MUC4: variants seen among roughly 807,000 people sequenced by gnomAD.
MUC4 encodes the protein mucin 4, cell surface associated.
In MUC4, 202 loss-of-function variants were observed where a neutral mutation model predicts 257.9. That is an observed-to-expected ratio of 0.78 (90% CI 0.70 to 0.88). The LOEUF (loss-of-function observed/expected upper bound fraction) is 0.88. Ranked by LOEUF, MUC4 falls within the 40% of genes least tolerant of loss-of-function variation. The probability of loss-of-function intolerance (pLI) is 0.00; values close to 1 mark genes in which losing one functional copy is unlikely to be tolerated. For synonymous variants in MUC4, 2,351 were observed against 2,757.1 expected, an observed-to-expected ratio of 0.85 and a Z score of 4.62; for missense variants, 5,976 against 6,513.7, an observed-to-expected ratio of 0.92 and a Z score of 2.84.
In MUC4 at chr3:195,791,239, G is replaced by GGTGT. The variant is rs749351035; in HGVS notation, c.340_341insACAC (p.Ala114AspfsTer6). On this transcript the variant is annotated frameshift_variant, in exon 2 of 25. Coordinates refer to ENST00000463781, the MANE Select transcript of MUC4 (RefSeq NM_018406.7). LOFTEE classifies it high-confidence loss of function. Reference sequence around the variant, plus strand: ...TGATGTGGTCATTTCATCTGGAGGAGCTGTCTCCATCACATTGTGTACACT... The same window carrying GGTGT: ...TGATGTGGTCATTTCATCTGGAGGAGGTGTCTGTCTCCATCACATTGTGTACACT... 2 of 380,388 alleles carry GGTGT rather than the reference G, an allele frequency of 5.3e-6. No individual in the cohort carries two copies. The highest frequency in any genetic ancestry group is 4.2e-6 in the Non-Finnish European group (1 of 236,408). 23.6% of individuals were successfully genotyped at this position (380,388 alleles called of 1,614,324 possible).
chr3:195,792,118 A>G (rs1020401632), intron 1 of MUC4, among the ~76,000 whole-genome samples: 17 of 152,218 alleles, frequency 1.1e-4, no homozygotes, highest in African/African-American at 1.4e-4. Flanking sequence ...ACTTGCAACA[A>G]AAGCTAAAAT....
At position 195,807,097 on chromosome 3, in the gene MUC4, G is replaced by T. The variant is rs543601075; in HGVS notation, c.82+4639C>A. ...CTCCAAGCAGGGCCGCCATTGCAAG[G>T]CCTCACGTGCAACACAAATGCCCAG... On this transcript the variant is annotated intron_variant, in intron 1 of 24. Coordinates refer to ENST00000463781, the MANE Select transcript of MUC4 (RefSeq NM_018406.7). Among the ~76,000 whole-genome samples the T allele has an allele frequency of 2.0e-5, 3 of 152,304 alleles. No homozygotes were observed. In the South Asian group the frequency reaches 6.2e-4, roughly 32 times the overall value.
chr3:195,754,430 G>A (rs1357648709), intron 18 of MUC4, 58 bp from the exon 19 acceptor site: 4 of 1,553,684 alleles, frequency 2.6e-6, no homozygotes, highest in Non-Finnish European at 3.5e-6. Flanking sequence ...AGGGCTTCTG[G>A]GTGTTTCTGA....
chr3:195,797,208 G>T (rs569420732), intron 1 of MUC4, among the ~76,000 whole-genome samples: 1 of 152,138 alleles, frequency 6.6e-6, no homozygotes, highest in African/African-American at 2.4e-5. Flanking sequence ...GGCAGAGATT[G>T]CAGTGAGCCG....
rs1428654884 is a variant in MUC4 at position 195,789,772 on chromosome 3, T to C, written c.1808A>G (p.Asp603Gly). ...ATSPSSSPML[D>G]RHTSQQITTA... ...TGTAATTTGTTGGGATGTGTGTCTA[T>C]CCAGCATAGGTGAAGAAGATGGGGA... Residue 603 changes from aspartate to glycine, a missense_variant, in exon 2 of 25, where the codon GAT becomes GGT. Physicochemically the swap from Asp to Gly is moderately conservative, Grantham distance 94. Around this residue, in one of 44 missense-constraint regions of MUC4, gnomAD observed 1,583 missense variants for 1,257.4 expected, o/e 1.26. Transcript: ENST00000463781. 6.2e-7 allele frequency: 1 copy of C among 1,614,000 alleles called. No homozygotes were observed. Among genetic ancestry groups the C allele is most frequent in the Non-Finnish European group, 8.5e-7 (1 of 1,179,860 alleles).
rs1203475693 is a variant in MUC4 at position 195,784,989 on chromosome 3, G to C, written c.6591C>G (p.Asp2197Glu). Residue 2197 changes from aspartate (D) to glutamate (E), a missense_variant, in exon 2 of 25, where the codon GAC (aspartate) becomes GAG (glutamate). By Grantham distance (45) the Asp-to-Glu change is conservative. Around this residue, in one of 44 missense-constraint regions of MUC4, gnomAD observed 85 missense variants for 325.0 expected, o/e 0.26. Transcript: ENST00000463781. ...CCTGACCTGTGGATGCTGAGGAAGTGTCGGTGACAGGAAGAGGGGTGGCGT... is the reference window on the plus strand; with the variant it reads ...CCTGACCTGTGGATGCTGAGGAAGTCTCGGTGACAGGAAGAGGGGTGGCGT... ...TGHATPLPVT[D>E]TSSASTGQAT... 1 of 1,487,514 alleles carries C rather than the reference G, an allele frequency of 6.7e-7. No individual in the cohort carries two copies. The highest frequency in any genetic ancestry group is 1.5e-5 in the African/African-American group (1 of 67,240). 92.1% of individuals were successfully genotyped at this position (1,487,514 alleles called of 1,614,324 possible).
At position 195,780,347 on chromosome 3, in the gene MUC4, G is replaced by A; in HGVS notation, c.11233C>T (p.Leu3745Phe). ...GCTGAGGAAGTGCTGGTGACAGGAA[G>A]AGGGGTGACGTGACCTGTGGATGCT... Reference protein sequence around the residue: ...SSASTGHVTPLPVTSTSSAST... With the variant: ...SSASTGHVTPFPVTSTSSAST... The change falls in exon 2 of 25, where the codon CTT becomes TTT. Residue 3745 changes from leucine (L) to phenylalanine (F), a missense_variant. Leu to Phe is a conservative substitution (Grantham distance 22). Transcript: ENST00000463781. The A allele has an allele frequency of 7.1e-7, 1 of 1,415,128 alleles. No individual in the cohort carries two copies. Among genetic ancestry groups the A allele is most frequent in the East Asian group, 2.6e-5 (1 of 38,940 alleles). The allele number at this position is 1,415,128 out of a possible 1,614,324, so 87.7% of individuals were successfully genotyped here.
At position 195,771,693 on chromosome 3, in the gene MUC4, C is replaced by T. The variant is rs760372789; in HGVS notation, c.13201G>A (p.Asp4401Asn). Residue 4401 changes from aspartate (D) to asparagine (N), a missense_variant, in exon 5 of 25, where the codon GAT (aspartate) becomes AAT (asparagine). Asp to Asn is a conservative substitution (Grantham distance 23). Transcript: ENST00000463781. ...CCCCGACCAGTGGAGAAGTCAGCATCGTCCCAGAACGGAGCCACCAGGGCC... is the reference window on the plus strand; with the variant it reads ...CCCCGACCAGTGGAGAAGTCAGCATTGTCCCAGAACGGAGCCACCAGGGCC... ...PVALVAPFWD[D>N]ADFSTGRGTT... 4.3e-6 allele frequency: 7 copies of T among 1,613,920 alleles called. No individual in the cohort carries two copies. In the Admixed American group the frequency reaches 5.0e-5, roughly 12 times the overall value.
chr3:195,758,922 C>T (rs563896209), intron 17 of MUC4, among the ~76,000 whole-genome samples: 73 of 152,064 alleles, frequency 4.8e-4, no homozygotes, highest in African/African-American at 1.7e-3. Flanking sequence ...GCCAAACCGC[C>T]GTAAGCCCGT....
chr3:195,750,608 C>T, intron 23 of MUC4: 1 of 543,062 alleles, frequency 1.8e-6, no homozygotes, highest in Non-Finnish European at 3.3e-6. Flanking sequence ...AAACTATTAG[C>T]AATTTTATGA....
rs1483833272 is a variant in MUC4 at position 195,751,227 on chromosome 3, G to A, written c.15627C>T (p.Arg5209=). ...CTTACATTCGTTCCACTTGGCTGTT[G>A]CGGAGAAAGGCCCGCATGTCCAGGG... ...LGTLDMRAFL[R]NSQVERIDSA... Residue 5209 remains arginine, a synonymous_variant, in exon 22 of 25, where the codon CGC becomes CGT. Transcript: ENST00000463781. 6 of 1,607,486 alleles carry A rather than the reference G, an allele frequency of 3.7e-6. No homozygotes were observed. The South Asian group carries it at 6.7e-5, about 18-fold the overall frequency.
intron 21 of MUC4, 99 bp from the exon 22 acceptor site, chr3:195,751,370 G>A (rs1716405429): frequency 1.1e-6 from 1 of 949,320 alleles, no homozygotes; most frequent in Non-Finnish European, 1.7e-6. Context: ...GTTTCCTCCT[G>A]GAACGGGAGC....
rs199822551 is a variant in MUC4, at chr3:195,780,191, C to A, written c.11389G>T (p.Asp3797Tyr). 7.2e-6 allele frequency: 9 copies of A among 1,244,630 alleles called. No individual in the cohort carries two copies. The highest frequency in any genetic ancestry group is 3.9e-5 in the East Asian group (1 of 25,700). 77.1% of individuals were successfully genotyped at this position (1,244,630 alleles called of 1,614,324 possible). A position where few individuals can be genotyped will look rare whatever the true frequency, so the allele number is the denominator to read the frequency against. ...TGDTTPLPVT[D>Y]TSSASTGQAT... is the part of the protein sequence containing the mutation. ...TGACCTGTGGATGCTGAGGAAGTGT[C>A]GGTGACAGGAAGAGGGGTGGTGTCA... is the stretch of plus-strand genomic sequence containing the variant. Residue 3797 changes from aspartate (D) to tyrosine (Y), a missense_variant, in exon 2 of 25, where the codon GAC becomes TAC. Around this residue, in one of 44 missense-constraint regions of MUC4, gnomAD observed 330 missense variants for 262.0 expected, o/e 1.26. Transcript: ENST00000463781.
chr3:195,761,317 G>A (rs979051631), intron 15 of MUC4, among the ~76,000 whole-genome samples, 167 bp downstream of exon 15: 5 of 152,186 alleles, frequency 3.3e-5, no homozygotes, highest in Non-Finnish European at 7.4e-5. Context: ...CCTCCAGGTA[G>A]AGAGAGGCAG....
At chr3:195,758,711 C>T (rs1458187055) in intron 17 of MUC4, among the ~76,000 whole-genome samples, 1 of 148,540 alleles carries the variant, frequency 6.7e-6, no homozygotes, top group East Asian at 2.0e-4. Context: ...TACAGGCATG[C>T]ACCACCATGC....
intron 3 of MUC4, among the ~76,000 whole-genome samples, chr3:195,775,275 C>T (rs1314645331): frequency 2.0e-5 from 3 of 151,968 alleles, no homozygotes; most frequent in South Asian, 4.2e-4. Flanking sequence ...GCATGCCGGC[C>T]GCACTTTTTG....
At chr3:195,748,599 A>T (rs1470713690) in intron 24 of MUC4, among the ~76,000 whole-genome samples, 1 of 152,274 alleles carries the variant, frequency 6.6e-6, no homozygotes, top group Non-Finnish European at 1.5e-5. Context: ...GGCTTTGGAA[A>T]CCATGCCCTG....
Position 195,786,356 on chromosome 3 carries a change from C to A in MUC4, c.5224G>T (p.Ala1742Ser). ...GCGTCAGTGACAAGAAGAGGGCTGG[C>A]GTGACCTGTGGATGCTGAGGAAGGG... is the stretch of plus-strand genomic sequence containing the variant. The part of the protein sequence containing the change: ...TSPSSASTGH[A>S]SPLLVTDASS... Residue 1742 changes from alanine (A) to serine (S), a missense_variant, in exon 2 of 25, where the codon GCC (alanine) becomes TCC (serine). By Grantham distance (99) the Ala-to-Ser change is moderately conservative. Transcript: ENST00000463781. 15 of 1,481,042 alleles carry A rather than the reference C, an allele frequency of 1.0e-5. 1 individual carries two copies. The highest frequency in any genetic ancestry group is 1.2e-5 in the South Asian group (1 of 80,318). 91.7% of individuals were successfully genotyped at this position (1,481,042 alleles called of 1,614,324 possible).
Position 195,748,951 on chromosome 3 carries a change from A to G in MUC4, c.15985T>C (p.Cys5329Arg). The change falls in exon 24 of 25, where the codon TGT becomes CGT. Residue 5329 changes from cysteine to arginine, a missense_variant. By Grantham distance (180) the Cys-to-Arg change is radical. Around this residue, in one of 44 missense-constraint regions of MUC4, gnomAD observed 310 missense variants for 242.1 expected, o/e 1.28. Coordinates refer to ENST00000463781, the MANE Select transcript of MUC4 (RefSeq NM_018406.7). ...TGCTGGCACTGGCCTCCATGGTCAC[A>G]GTAGCCCCTACTGCACGGGGACACG... is the stretch of plus-strand genomic sequence containing the variant. ...TCVSPCSRGY[C>R]DHGGQCQHLP... The G allele has an allele frequency of 6.2e-7, 1 of 1,606,208 alleles. No individual in the cohort carries two copies. The highest frequency in any genetic ancestry group is 8.5e-7 in the Non-Finnish European group (1 of 1,176,476).
Sources: gnomAD v4.1 joint callset for allele counts (sites outside exome capture counted in the v4.1 genomes callset) on GRCh38, gnomAD v4.1.1 for gene constraint, gnomAD v4.1.1 regional missense constraint, MANE v1.5 for transcripts, NCBI Gene and HGNC (gene_info 2026-07-23, HGNC 2026-07-21) for gene names.